The following CD38 variants were observed in gnomAD, a reference collection of about 807,000 sequenced individuals.
The protein encoded by CD38 is CD38 molecule.
A neutral mutation model predicts 36.3 loss-of-function variants in CD38; 31 were observed. The ratio of observed to expected loss-of-function variants is 0.85; its 90% confidence interval spans 0.64 to 1.15. CD38 has a LOEUF of 1.15. CD38 is among the 50% of genes most tolerant of loss of function. The pLI is 0.00. For missense variants in CD38, 380 were observed against 371.9 expected (o/e 1.02, Z -0.18); for synonymous variants, 131 against 135.2 (o/e 0.97, Z 0.22).
intron 2 of CD38, among the ~76,000 whole-genome samples, chr4:15,819,926 C>T (rs533739727): frequency 1.1e-4 from 16 of 152,036 alleles, no homozygotes; most frequent in African/African-American, 3.9e-4. Flanking sequence ...GAAGATCAAC[C>T]CCAAGACACA....
rs529787442 is a variant in CD38, at chr4:15,809,768, G to A, written c.234-6743G>A. Among the ~76,000 whole-genome samples, 21 of 152,116 alleles carry A rather than the reference G, an allele frequency of 1.4e-4. No individual in the cohort carries two copies. In the South Asian group the frequency reaches 4.1e-3, roughly 30 times the overall value. The stretch of plus-strand genomic sequence containing the variant: ...CTCCTGATGAAGACTTCCAATTTTG[G>A]AACAGAAGAATCTTTGAAAAAAATA... On this transcript the variant is annotated intron_variant, in intron 1 of 7. Coordinates refer to ENST00000226279, the MANE Select transcript of CD38 (RefSeq NM_001775.4).
At position 15,816,651 on chromosome 4, in the gene CD38, G is replaced by A. The variant is rs755759822; in HGVS notation, c.363+11G>A. ...GTACCTTGCAACAAGGTAATTGGGG[G>A]CATGCCATTGATTTTAAAACTGGGG... On this transcript the variant is annotated intron_variant, in intron 2 of 7. Transcript: ENST00000226279. The A allele has an allele frequency of 6.2e-7, 1 of 1,612,958 alleles. No individual in the cohort carries two copies. Among genetic ancestry groups the A allele is most frequent in the Non-Finnish European group, 8.5e-7 (1 of 1,179,330 alleles).
intron 1 of CD38, among the ~76,000 whole-genome samples, chr4:15,790,310 G>T (rs1366147935): frequency 6.6e-6 from 1 of 151,800 alleles, no homozygotes; most frequent in Non-Finnish European, 1.5e-5. Context: ...AGCCTGCCGA[G>T]TGCCTGCGCA....
chr4:15,830,206 C>T (rs1723931740), intron 3 of CD38, among the ~76,000 whole-genome samples: 1 of 152,168 alleles, frequency 6.6e-6, no homozygotes, highest in Non-Finnish European at 1.5e-5. Context: ...CACATTCCCA[C>T]CAACAGTGTA....
At chr4:15,846,047 G>GA (rs1292729862) in intron 7 of CD38, among the ~76,000 whole-genome samples, 2 of 42,562 alleles carry the variant, frequency 4.7e-5, no homozygotes, top group African/African-American at 2.4e-4. Flanking sequence ...CACAGAATTG[G>GA]AAAAAACTAC....
At chr4:15,840,996 C>G (rs1267637469) in intron 7 of CD38, among the ~76,000 whole-genome samples, 1 of 151,824 alleles carries the variant, frequency 6.6e-6, no homozygotes, top group South Asian at 2.1e-4. Flanking sequence ...TAACACATGA[C>G]AAGGCGTCAC....
rs139813390 is a variant in CD38, at chr4:15,806,469, G to C, written c.234-10042G>C. 3.5e-3 allele frequency among the ~76,000 whole-genome samples: 535 copies of C among 152,338 alleles called. 3 individuals are homozygous for C. Among genetic ancestry groups the C allele is most frequent in the Middle Eastern group, 6.8e-3 (2 of 294 alleles). ...CTTTAGTCTCTTTATTTCTAAAACA[G>C]GGAAGATGCTAATACCCCGCCCATG... On this transcript the variant is annotated intron_variant, in intron 1 of 7. Transcript: ENST00000226279.
chr4:15,781,595 T>C (rs1010858218), intron 1 of CD38, among the ~76,000 whole-genome samples: 8 of 152,284 alleles, frequency 5.3e-5, no homozygotes, highest in African/African-American at 1.7e-4. Context: ...TTCTGGGACC[T>C]TGGTCTTTCT....
rs1301573714 is a variant in CD38 at position 15,850,888 on chromosome 4, C to G, written c.*2286C>G. 1 of 152,212 alleles carries G rather than the reference C, an allele frequency of 6.6e-6. No individual in the cohort carries two copies. The highest frequency in any genetic ancestry group is 1.5e-5 in the Non-Finnish European group (1 of 68,058). 9.4% of individuals were successfully genotyped at this position (152,212 alleles called of 1,614,324 possible). A position where few individuals can be genotyped will look rare whatever the true frequency, so the allele number is the denominator to read the frequency against. ...TGACCTGCTGTTTTCCTCTTAAGAT[C>G]CTTTCCACTTTGGTTGCTGCTTTCG... is the stretch of plus-strand genomic sequence containing the variant. On this transcript the variant is annotated 3_prime_UTR_variant, in exon 8 of 8. Coordinates refer to ENST00000226279, the MANE Select transcript of CD38 (RefSeq NM_001775.4).
At chr4:15,791,632 G>A (rs1577636897) in intron 1 of CD38, among the ~76,000 whole-genome samples, 2 of 91,300 alleles carry the variant, frequency 2.2e-5, no homozygotes, top group Non-Finnish European at 4.2e-5. Context: ...AGGTGGGGGG[G>A]TCAGCCCCCT....
At chr4:15,802,039 A>C (rs1723234263) in intron 1 of CD38, among the ~76,000 whole-genome samples, 1 of 152,178 alleles carries the variant, frequency 6.6e-6, no homozygotes, top group African/African-American at 2.4e-5. Flanking sequence ...TCTTACCTAC[A>C]GAAAAATCTA....
rs888720581 is a variant in CD38, at chr4:15,849,278, A to G, written c.*676A>G. ...TGCCACCGAAAGGAATGGCAAAACC[A>G]CAATTATTTTTGAACCAACCTAATA... On this transcript the variant is annotated 3_prime_UTR_variant, in exon 8 of 8. Coordinates refer to ENST00000226279, the MANE Select transcript of CD38 (RefSeq NM_001775.4). The G allele has an allele frequency of 1.3e-5, 2 of 152,222 alleles. No homozygotes were observed. The highest frequency in any genetic ancestry group is 1.3e-4 in the Admixed American group (2 of 15,280). 9.4% of individuals were successfully genotyped at this position (152,222 alleles called of 1,614,324 possible).
At chr4:15,836,349 G>T (rs543654650) in intron 4 of CD38, among the ~76,000 whole-genome samples, 14 of 152,242 alleles carry the variant, frequency 9.2e-5, no homozygotes, top group African/African-American at 3.4e-4. Flanking sequence ...TTTCATAAGG[G>T]TGTTAATCCC....
chr4:15,783,932 T>G (rs1722752349), intron 1 of CD38, among the ~76,000 whole-genome samples: 1 of 152,120 alleles, frequency 6.6e-6, no homozygotes, highest in Admixed American at 6.5e-5. Flanking sequence ...TGCAAACACT[T>G]AGCAAAGACT....
chr4:15,829,484 T>C (rs1477161677), intron 3 of CD38, among the ~76,000 whole-genome samples: 1 of 152,172 alleles, frequency 6.6e-6, no homozygotes, highest in Non-Finnish European at 1.5e-5. Context: ...ATACTAATGA[T>C]AGCTGATGGG....
intron 1 of CD38, among the ~76,000 whole-genome samples, 200 bp from the exon 2 acceptor site, chr4:15,816,311 A>G (rs1006235069): frequency 3.9e-5 from 6 of 152,002 alleles, no homozygotes; most frequent in Admixed American, 3.3e-4. Context: ...CTCTTTTTCT[A>G]TTGTTTGCAA....
chr4:15,816,951 T>G (rs1381471202), intron 2 of CD38, among the ~76,000 whole-genome samples: 1 of 152,178 alleles, frequency 6.6e-6, no homozygotes, highest in Non-Finnish European at 1.5e-5. Flanking sequence ...ACGACCTATA[T>G]AATAACAAAA....
chr4:15,802,318 G>A (rs909947593), intron 1 of CD38, among the ~76,000 whole-genome samples: 3 of 151,976 alleles, frequency 2.0e-5, no homozygotes, highest in African/African-American at 7.2e-5. Flanking sequence ...GATATCCCAT[G>A]TTCATGGATT....
At chr4:15,848,141 T>G (rs1724303408) in intron 7 of CD38, among the ~76,000 whole-genome samples, 1 of 152,234 alleles carries the variant, frequency 6.6e-6, no homozygotes, top group Admixed American at 6.5e-5. Context: ...TAGCTAATTT[T>G]TATGAAAATA....
Sources: allele counts gnomAD v4.1 joint callset (sites outside exome capture counted in the v4.1 genomes callset), GRCh38; gene constraint gnomAD v4.1.1; transcripts MANE v1.5; gene names NCBI Gene and HGNC (gene_info 2026-07-23, HGNC 2026-07-21).